The following SNRNP48 variants were observed in gnomAD, a reference collection of about 807,000 sequenced individuals.
The protein encoded by SNRNP48 is small nuclear ribonucleoprotein U11/U12 subunit 48, also known as U11/U12 small nuclear ribonucleoprotein 48 kDa protein.
Under a neutral mutation model 47.0 loss-of-function variants are expected in SNRNP48, and 43 were observed. The ratio of observed to expected loss-of-function variants is 0.92; its 90% CI spans 0.72 to 1.18. The LOEUF (loss-of-function observed/expected upper bound fraction) is 1.18, where lower values mean the gene tolerates loss of function less well. Ranked by LOEUF, SNRNP48 falls within the 50% of genes most tolerant of loss-of-function variation. SNRNP48 has a pLI of 0.00. For missense variants in SNRNP48, 396 were observed against 422.2 expected (o/e 0.94, Z 0.54); for synonymous variants, 138 against 144.0 (o/e 0.96, Z 0.30).
At position 7,593,749 on chromosome 6, in the gene SNRNP48, T is replaced by C. The variant is rs1364843060; in HGVS notation, c.172T>C (p.Cys58Arg). Residue 58 changes from cysteine (C) to arginine (R), a missense_variant, in exon 2 of 9, where the codon TGT becomes CGT. Coordinates refer to ENST00000342415, the MANE Select transcript of SNRNP48 (RefSeq NM_152551.4). ...ATTTTTATAGGATGAAGTTGTGATA[T>C]GTCCATACGATTCCAATCATCACAT... ...EEAAEDEVVI[C>R]PYDSNHHMPK... The C allele has an allele frequency of 2.5e-6, 4 of 1,577,438 alleles. No individual in the cohort carries two copies. Among genetic ancestry groups the C allele is most frequent in the African/African-American group, 1.4e-5 (1 of 73,396 alleles).
At chr6:7,597,274 A>G (rs1412292518) in intron 4 of SNRNP48, among the ~76,000 whole-genome samples, 1 of 152,210 alleles carries the variant, frequency 6.6e-6, no homozygotes, top group Non-Finnish European at 1.5e-5. Context: ...TAGAAACCCT[A>G]CATTTAGTAA....
chr6:7,591,976 A>C (rs1313944413), intron 1 of SNRNP48, among the ~76,000 whole-genome samples: 1 of 152,128 alleles, frequency 6.6e-6, no homozygotes, highest in Non-Finnish European at 1.5e-5. Context: ...CCTAGTTCCT[A>C]GTCCTCACAG....
rs528742103 is a variant in SNRNP48, at chr6:7,594,657, TA to T, written c.332-369del. On this transcript the variant is annotated intron_variant, in intron 3 of 8. Transcript: ENST00000342415. Reference sequence around the variant, plus strand: ...ATAGCACTTTGCGAAGATTAAGTGATATATATATATAATATTCTTAGAATAG... The same window carrying T: ...ATAGCACTTTGCGAAGATTAAGTGATTATATATATAATATTCTTAGAATAG... Among the ~76,000 whole-genome samples, 280 of 152,114 alleles carry T rather than the reference TA, an allele frequency of 1.8e-3. 1 individual carries two copies. The highest frequency in any genetic ancestry group is 6.4e-3 in the African/African-American group (267 of 41,514).
chr6:7,604,187 T>G (rs1760083998), intron 6 of SNRNP48, among the ~76,000 whole-genome samples: 1 of 152,196 alleles, frequency 6.6e-6, no homozygotes, highest in Non-Finnish European at 1.5e-5. Context: ...CAGGGAGGCT[T>G]GTAGGCCTGC....
chr6:7,598,511 ATTTTTT>A (rs1232660908), intron 4 of SNRNP48, among the ~76,000 whole-genome samples: 1 of 151,432 alleles, frequency 6.6e-6, no homozygotes, highest in Non-Finnish European at 1.5e-5. Context: ...AGAAAAAAAA[ATTTTTT>A]TTTATATCCT....
intron 5 of SNRNP48, 140 bp downstream of exon 5, chr6:7,601,664 C>T (rs1358876299): frequency 1.2e-5 from 10 of 817,722 alleles, no homozygotes; most frequent in Non-Finnish European, 1.8e-5. Flanking sequence ...TGAAGTTGGC[C>T]CTCTGTGTCT....
At chr6:7,606,284 T>C (rs1458519129) in intron 8 of SNRNP48, 89 bp downstream of exon 8, 4 of 1,304,824 alleles carry the variant, frequency 3.1e-6, no homozygotes, top group East Asian at 2.6e-5. Flanking sequence ...GCTGAGAAAA[T>C]AGATTTTAAG....
rs1332587261 is a variant in SNRNP48, at chr6:7,605,378, C to G, written c.718-20C>G. 3.7e-6 allele frequency: 6 copies of G among 1,605,386 alleles called. No individual in the cohort carries two copies. The highest frequency in any genetic ancestry group is 4.3e-6 in the Non-Finnish European group (5 of 1,173,936). The stretch of plus-strand genomic sequence containing the variant: ...TTGAGCAGTTTTCTTACCTGAAGTT[C>G]GGTGCTTACCTCTCCCAAGGTGATT... On this transcript the variant is annotated intron_variant, in intron 6 of 8. Transcript: ENST00000342415.
chr6:7,592,801 T>C (rs1018495766), intron 1 of SNRNP48, among the ~76,000 whole-genome samples: 1 of 151,588 alleles, frequency 6.6e-6, no homozygotes, highest in African/African-American at 2.4e-5. Context: ...CAGGAGAGAG[T>C]TGATGATACC....
Position 7,594,631 on chromosome 6 carries a change from A to G in SNRNP48, c.332-396A>G, listed in dbSNP as rs75808595. ...TTCTTTATAAAATGGAGATGGTTAT[A>G]ATAGCACTTTGCGAAGATTAAGTGA... On this transcript the variant is annotated intron_variant, in intron 3 of 8. Transcript: ENST00000342415. Among the ~76,000 whole-genome samples, 1,477 of 152,322 alleles carry G rather than the reference A, an allele frequency of 9.7e-3. 22 individuals are homozygous for G. Among genetic ancestry groups the G allele is most frequent in the African/African-American group, 0.034 (1,409 of 41,560 alleles).
rs981631868 is a variant in SNRNP48 at position 7,599,753 on chromosome 6, G to T, written c.407-1583G>T. The T allele has an allele frequency of 5.5e-6, 7 of 1,274,774 alleles. No homozygotes were observed. In the African/African-American group the frequency reaches 6.1e-5, roughly 11 times the overall value. The allele number at this position is 1,274,774 out of a possible 1,614,324, so 79.0% of individuals were successfully genotyped here. On this transcript the variant is annotated intron_variant, in intron 4 of 8. Transcript: ENST00000342415. ...GATATGCAGTATCCTTTTTGCAAAT[G>T]ATATCCTTTTAAAAGTAAAATTTCT...
Position 7,606,207 on chromosome 6 carries a change from C to G in SNRNP48, c.971+12C>G. ...AGAAGGAAAGAGAGGTGGGTCTAAC[C>G]CTGCATCATCCAACGTTGAATTCTG... On this transcript the variant is annotated intron_variant, in intron 8 of 8. Coordinates refer to ENST00000342415, the MANE Select transcript of SNRNP48 (RefSeq NM_152551.4). 1.3e-6 allele frequency: 2 copies of G among 1,590,842 alleles called. No individual in the cohort carries two copies.
intron 4 of SNRNP48, chr6:7,600,121 G>A: frequency 1.0e-6 from 1 of 992,952 alleles, no homozygotes; most frequent in Non-Finnish European, 1.2e-6. Flanking sequence ...TGACTTGAAA[G>A]GGAACCCTTT....
At chr6:7,601,287 C>A in intron 4 of SNRNP48, 49 bp from the exon 5 acceptor site, 1 of 1,418,358 alleles carries the variant, frequency 7.1e-7, no homozygotes, top group Non-Finnish European at 9.5e-7. Context: ...ATTTTAAGTT[C>A]ACAATGCTTC....
chr6:7,590,575 C>G (rs929758147), intron 1 of SNRNP48, among the ~76,000 whole-genome samples, 162 bp downstream of exon 1: 1 of 152,178 alleles, frequency 6.6e-6, no homozygotes, highest in Non-Finnish European at 1.5e-5. Flanking sequence ...GCCGGGGGCC[C>G]TGGAGCAACC....
intron 7 of SNRNP48, 49 bp downstream of exon 7, chr6:7,605,535 T>A: frequency 6.7e-7 from 1 of 1,497,970 alleles, no homozygotes; most frequent in Non-Finnish European, 9.3e-7. Flanking sequence ...TGATAACAGA[T>A]AACAATTAAC....
In SNRNP48 at chr6:7,593,863, T is replaced by C. The variant is rs766903136; in HGVS notation, c.270+16T>C. On this transcript the variant is annotated intron_variant, in intron 2 of 8. Transcript: ENST00000342415. ...AGAAGAAGAGGTACCATATATTTAC[T>C]ATATTATATATACATATATGTCATG... 2 of 1,448,948 alleles carry C rather than the reference T, an allele frequency of 1.4e-6. No homozygotes were observed. Among genetic ancestry groups the C allele is most frequent in the East Asian group, 4.7e-5 (2 of 42,822 alleles). 89.8% of individuals were successfully genotyped at this position (1,448,948 alleles called of 1,614,324 possible).
chr6:7,593,948 A>G, intron 2 of SNRNP48, 101 bp downstream of exon 2: 3 of 1,036,418 alleles, frequency 2.9e-6, no homozygotes, highest in Non-Finnish European at 4.2e-6. Flanking sequence ...CTGACAAAAT[A>G]ATAGCCCTTA....
At chr6:7,604,668 A>G (rs554636560) in intron 6 of SNRNP48, among the ~76,000 whole-genome samples, 19 of 152,192 alleles carry the variant, frequency 1.2e-4, no homozygotes, top group Admixed American at 5.2e-4. Flanking sequence ...GTAAACTCCT[A>G]TTTTAGTTTT....
Sources: allele counts gnomAD v4.1 joint callset (sites outside exome capture counted in the v4.1 genomes callset), GRCh38; gene constraint gnomAD v4.1.1; transcripts MANE v1.5; gene names NCBI Gene and HGNC (gene_info 2026-07-23, HGNC 2026-07-21).